SORBS2: variants seen among roughly 807,000 people sequenced by gnomAD.
The protein encoded by SORBS2 is sorbin and SH3 domain-containing protein 2.
In SORBS2, 46 loss-of-function variants were observed where a neutral mutation model predicts 97.7. The observed-to-expected ratio is 0.47, with a 90% confidence interval of 0.37 to 0.60. The LOEUF is 0.60. Among genes scored for constraint, SORBS2 ranks in the 20% least tolerant of loss-of-function variants. The pLI, the probability that SORBS2 is intolerant of heterozygous loss-of-function variation, is 0.00. For synonymous variants in SORBS2, 476 were observed against 473.4 expected (o/e 1.01, Z -0.07); for missense variants, 1,316 against 1,282.3 (o/e 1.03, Z -0.40).
At chr4:185,943,739 G>A (rs534367534) in intron 1 of SORBS2, among the ~76,000 whole-genome samples, 20 of 152,136 alleles carry the variant, frequency 1.3e-4, no homozygotes, top group Non-Finnish European at 2.6e-4. Flanking sequence ...TGAAATGGAC[G>A]TTAGGTTATA....
intron 2 of SORBS2, among the ~76,000 whole-genome samples, chr4:185,716,700 C>G (rs2030144): frequency 0.88 from 134,059 of 152,134 alleles, 59,132 homozygotes; most frequent in Admixed American, 0.92. Context: ...AATCTGTGTT[C>G]ATTGCACCTT....
chr4:185,639,154 CGGCGAAGTG>C, intron 4 of SORBS2, 119 bp from the exon 14 acceptor site: 3 of 908,040 alleles, frequency 3.3e-6, no homozygotes, highest in Non-Finnish European at 4.8e-6. Flanking sequence ...GGCCTCCGGA[CGGCGAAGTG>C]TCCCTAGGGA....
At chr4:185,767,040 T>G (rs2098937854) in intron 2 of SORBS2, among the ~76,000 whole-genome samples, 1 of 152,210 alleles carries the variant, frequency 6.6e-6, no homozygotes, top group South Asian at 2.1e-4. Context: ...TCAACCAGCC[T>G]CGTCCTAACA....
chr4:185,917,437 A>G (rs2099258791), intron 1 of SORBS2, among the ~76,000 whole-genome samples: 1 of 152,184 alleles, frequency 6.6e-6, no homozygotes, highest in African/African-American at 2.4e-5. Flanking sequence ...CATGTTGTCC[A>G]GGCTGGTATT....
chr4:185,715,662 T>C (rs1414738791), intron 2 of SORBS2, among the ~76,000 whole-genome samples: 1 of 152,190 alleles, frequency 6.6e-6, no homozygotes, highest in East Asian at 1.9e-4. Context: ...GAGTAGAACA[T>C]TTCTGGAACT....
rs75657532 is a variant in SORBS2, at chr4:185,884,057, A to C, written c.-338+72139T>G. On this transcript the variant is annotated intron_variant, in intron 1 of 20. Transcript: ENST00000284776. Reference sequence around the variant, plus strand: ...GTGGGGGAGGAAGAAGGTTCAAGGTACCTTCCAAAGGGAACTTCACGGGGT... The same window carrying C: ...GTGGGGGAGGAAGAAGGTTCAAGGTCCCTTCCAAAGGGAACTTCACGGGGT... Among the ~76,000 whole-genome samples the C allele has an allele frequency of 2.2e-3, 330 of 152,296 alleles. 10 individuals carry two copies. In the East Asian group the frequency reaches 0.059, roughly 27 times the overall value.
At chr4:185,717,365 G>C (rs1389719202) in intron 2 of SORBS2, among the ~76,000 whole-genome samples, 1 of 152,214 alleles carries the variant, frequency 6.6e-6, no homozygotes. Flanking sequence ...TTGCACAAAG[G>C]GAGGAGACTA....
At chr4:185,935,589 G>A (rs1208022584) in intron 1 of SORBS2, among the ~76,000 whole-genome samples, 1 of 152,184 alleles carries the variant, frequency 6.6e-6, no homozygotes, top group African/African-American at 2.4e-5. Flanking sequence ...GCCATTGTTA[G>A]TACCCAAGAA....
intron 2 of SORBS2, among the ~76,000 whole-genome samples, chr4:185,731,862 CTCTCTATATATATATATATATA>C (rs758127201): frequency 0.086 from 2,606 of 30,364 alleles, 49 homozygotes; most frequent in Middle Eastern, 0.096. Flanking sequence ...CTCTCTCTCT[CTCTCTATATATATATATATATA>C]TATATATATA....
intron 1 of SORBS2, among the ~76,000 whole-genome samples, chr4:185,841,096 C>A (rs182815806): frequency 1.3e-5 from 2 of 152,138 alleles, no homozygotes; most frequent in African/African-American, 4.8e-5. Context: ...GTGTGGCGTG[C>A]GGCATTGCGG....
chr4:185,857,307 C>T (rs1230818164), intron 1 of SORBS2, among the ~76,000 whole-genome samples: 1 of 152,192 alleles, frequency 6.6e-6, no homozygotes, highest in Non-Finnish European at 1.5e-5. Flanking sequence ...ACACTTATCA[C>T]TTCCCCAATC....
Position 185,728,387 on chromosome 4 carries a change from T to G in SORBS2, c.-198+46840A>C, listed in dbSNP as rs569790129. Among the ~76,000 whole-genome samples the G allele has an allele frequency of 9.8e-5, 15 of 152,344 alleles. No individual in the cohort carries two copies. The South Asian group carries it at 3.1e-3, about 32-fold the overall frequency. Reference sequence around the variant, plus strand: ...TTTCTGGATGGGAATCAGTTGGAAGTATTTTGCTAGGGTCCTGTCTTTGCC... The same window carrying G: ...TTTCTGGATGGGAATCAGTTGGAAGGATTTTGCTAGGGTCCTGTCTTTGCC... On this transcript the variant is annotated intron_variant, in intron 2 of 20. Coordinates refer to the SORBS2 transcript ENST00000284776.
At chr4:185,850,493 A>G (rs751079291) in intron 1 of SORBS2, among the ~76,000 whole-genome samples, 16 of 152,148 alleles carry the variant, frequency 1.1e-4, no homozygotes, top group Non-Finnish European at 2.2e-4. Flanking sequence ...GGCCTTGGAA[A>G]ATTTTGCTGC....
intron 1 of SORBS2, among the ~76,000 whole-genome samples, chr4:185,938,008 CT>C (rs529655739): frequency 0.022 from 2,718 of 121,252 alleles, 63 homozygotes; most frequent in African/African-American, 0.074. Context: ...AGAAATCATT[CT>C]TTTTTTTTTT....
At chr4:185,819,758 T>C (rs1248539015) in intron 1 of SORBS2, among the ~76,000 whole-genome samples, 13 of 152,194 alleles carry the variant, frequency 8.5e-5, no homozygotes, top group Non-Finnish European at 1.8e-4. Flanking sequence ...TGTCCTTGCC[T>C]ATCCAGCCAC....
chr4:185,868,995 A>T (rs1295932886), intron 1 of SORBS2, among the ~76,000 whole-genome samples: 1 of 152,212 alleles, frequency 6.6e-6, no homozygotes, highest in Non-Finnish European at 1.5e-5. Context: ...ACACAATCGC[A>T]GCAAACTTCT....
chr4:185,620,068 T>C (rs1349092128), exon 8 of SORBS2: 3 of 1,598,742 alleles, frequency 1.9e-6, no homozygotes, highest in Non-Finnish European at 2.6e-6. Flanking sequence ...ACTACCTCTT[T>C]TTCTGGAGTT....
At chr4:185,725,698 G>A (rs765189107) in intron 2 of SORBS2, among the ~76,000 whole-genome samples, 23 of 152,028 alleles carry the variant, frequency 1.5e-4, no homozygotes, top group Non-Finnish European at 2.9e-4. Context: ...CATTTCTGTC[G>A]TTTTAATTTT....
At chr4:185,834,623 G>T (rs1416229048) in intron 1 of SORBS2, among the ~76,000 whole-genome samples, 1 of 151,772 alleles carries the variant, frequency 6.6e-6, no homozygotes, top group Non-Finnish European at 1.5e-5. Flanking sequence ...TACTCTTCTT[G>T]TTTCCAAAAT....
Sources: allele counts gnomAD v4.1 joint callset (sites outside exome capture counted in the v4.1 genomes callset), GRCh38; gene constraint gnomAD v4.1.1; transcripts MANE v1.5; gene names NCBI Gene and HGNC (gene_info 2026-07-23, HGNC 2026-07-21).